DSCAM: variants seen among roughly 807,000 people sequenced by gnomAD.
DSCAM encodes DS cell adhesion molecule, also known as cell adhesion molecule DSCAM.
A neutral mutation model predicts 217.7 loss-of-function variants in DSCAM; 47 were observed. The ratio of observed to expected loss-of-function variants is 0.22; its 90% confidence interval spans 0.17 to 0.28. The LOEUF (loss-of-function observed/expected upper bound fraction) is 0.28, where lower values mean the gene tolerates loss of function less well. DSCAM is among the 10% of genes least tolerant of loss of function. The pLI, the probability that DSCAM is intolerant of heterozygous loss-of-function variation, is 1.00. For missense variants in DSCAM, 2,080 were observed against 2,618.3 expected (o/e 0.79, Z 4.49); for synonymous variants, 1,056 against 1,015.3 (o/e 1.04, Z -0.76).
chr21:40,387,040 G>A (rs1226251388), intron 3 of DSCAM, among the ~76,000 whole-genome samples: 1 of 151,700 alleles, frequency 6.6e-6, no homozygotes, highest in Non-Finnish European at 1.5e-5. Context: ...TTCCATTTCT[G>A]ACTATGTAAA....
intron 3 of DSCAM, among the ~76,000 whole-genome samples, chr21:40,541,599 G>A (rs2076543155): frequency 6.6e-6 from 1 of 152,036 alleles, no homozygotes; most frequent in African/African-American, 2.4e-5. Flanking sequence ...TCACATATAT[G>A]TGTATATTTG....
chr21:40,297,499 T>C (rs2073968037), intron 9 of DSCAM, among the ~76,000 whole-genome samples: 1 of 152,140 alleles, frequency 6.6e-6, no homozygotes, highest in Admixed American at 6.5e-5. Flanking sequence ...CCTTGCAAGA[T>C]ACAGAATTCT....
intron 26 of DSCAM, among the ~76,000 whole-genome samples, chr21:40,075,739 C>A (rs1343448860): frequency 2.6e-5 from 4 of 152,286 alleles, no homozygotes; most frequent in African/African-American, 9.6e-5. Context: ...AAATCTACTT[C>A]AACAGCTGTG....
At chr21:40,254,937 G>A (rs1480947973) in intron 11 of DSCAM, among the ~76,000 whole-genome samples, 1 of 151,934 alleles carries the variant, frequency 6.6e-6, no homozygotes, top group Non-Finnish European at 1.5e-5. Flanking sequence ...TTAACTGTGA[G>A]ATTATTCATC....
chr21:40,380,584 G>T (rs1489937062), intron 3 of DSCAM, among the ~76,000 whole-genome samples: 1 of 152,178 alleles, frequency 6.6e-6, no homozygotes, highest in Non-Finnish European at 1.5e-5. Flanking sequence ...GATGGTGGGG[G>T]TTTGGAGTGG....
rs145418205 is a variant in DSCAM, at chr21:40,427,668, G to C, written c.509-58423C>G. 7.2e-5 allele frequency among the ~76,000 whole-genome samples: 11 copies of C among 152,278 alleles called. No homozygotes were observed. In the South Asian group the frequency reaches 2.3e-3, roughly 32 times the overall value. On this transcript the variant is annotated intron_variant, in intron 3 of 32. Coordinates refer to ENST00000400454, the MANE Select transcript of DSCAM (RefSeq NM_001389.5). ...CACAGTAAACACAGGGAAAGAGTTAGGGAGAGGATAAGCTGCCCCATTGGC... is the reference window on the plus strand; with the variant it reads ...CACAGTAAACACAGGGAAAGAGTTACGGAGAGGATAAGCTGCCCCATTGGC...
chr21:40,596,857 T>G (rs1160247391), intron 3 of DSCAM, among the ~76,000 whole-genome samples: 8 of 150,268 alleles, frequency 5.3e-5, no homozygotes, highest in Non-Finnish European at 8.9e-5. Flanking sequence ...TTTCCTCATT[T>G]TACAAATATT....
At chr21:40,303,022 C>T (rs117064373) in intron 9 of DSCAM, among the ~76,000 whole-genome samples, 4,086 of 152,208 alleles carry the variant, frequency 0.027, 75 homozygotes, top group Non-Finnish European at 0.04. Flanking sequence ...TTAGGTTTCC[C>T]TAGCTGTAAA....
At chr21:40,365,461 C>T (rs925204078) in intron 4 of DSCAM, among the ~76,000 whole-genome samples, 11 of 152,118 alleles carry the variant, frequency 7.2e-5, no homozygotes, top group African/African-American at 2.7e-4. Context: ...GGGAATTAGA[C>T]TGACTTTCTT....
intron 3 of DSCAM, among the ~76,000 whole-genome samples, chr21:40,389,258 A>G (rs1193879306): frequency 6.6e-6 from 1 of 152,232 alleles, no homozygotes; most frequent in Non-Finnish European, 1.5e-5. Flanking sequence ...TCTAGCATTG[A>G]AACCATCTTT....
At chr21:40,048,410 T>C (rs2088876460) in intron 30 of DSCAM, among the ~76,000 whole-genome samples, 1 of 152,148 alleles carries the variant, frequency 6.6e-6, no homozygotes, top group African/African-American at 2.4e-5. Context: ...TTCCAGTGTA[T>C]TATAATCCAC....
intron 28 of DSCAM, among the ~76,000 whole-genome samples, chr21:40,060,776 C>A (rs2089105641): frequency 6.6e-6 from 1 of 152,194 alleles, no homozygotes; most frequent in African/African-American, 2.4e-5. Context: ...CTACCTTTGA[C>A]AATTTCTTTT....
chr21:40,035,849 G>A (rs890950660), intron 32 of DSCAM, among the ~76,000 whole-genome samples: 1 of 145,384 alleles, frequency 6.9e-6, no homozygotes, highest in Non-Finnish European at 1.5e-5. Context: ...CTAGAACTCA[G>A]GATTAAGAAT....
At chr21:40,041,582 C>T (rs2088750450) in intron 32 of DSCAM, among the ~76,000 whole-genome samples, 1 of 152,148 alleles carries the variant, frequency 6.6e-6, no homozygotes, top group Non-Finnish European at 1.5e-5. Flanking sequence ...CCCATGTCCG[C>T]CTCGCTCCTT....
chr21:40,235,215 T>C (rs1042827227), intron 11 of DSCAM, among the ~76,000 whole-genome samples: 2 of 152,200 alleles, frequency 1.3e-5, no homozygotes, highest in South Asian at 2.1e-4. Context: ...GGGGGCCAGA[T>C]GGTGACCATA....
chr21:40,629,072 GTGTGGTGTGTGTGTGTGTGTGT>G (rs1419018278), intron 3 of DSCAM, among the ~76,000 whole-genome samples: 7 of 133,550 alleles, frequency 5.2e-5, no homozygotes, highest in Non-Finnish European at 9.5e-5. Context: ...GTATGTGTGT[GTGTGGTGTGTGTGTGTGTGTGT>G]GTGTGTGTGT....
At chr21:40,117,640 A>T (rs922728633) in intron 20 of DSCAM, among the ~76,000 whole-genome samples, 1 of 152,248 alleles carries the variant, frequency 6.6e-6, no homozygotes, top group African/African-American at 2.4e-5. Flanking sequence ...CTTTAAAAAC[A>T]AAATGAAATA....
At chr21:40,350,733 G>A (rs891468547) in intron 5 of DSCAM, among the ~76,000 whole-genome samples, 6 of 152,068 alleles carry the variant, frequency 3.9e-5, no homozygotes, top group East Asian at 1.9e-4. Flanking sequence ...CAGAGATTGG[G>A]AACCACATGA....
In DSCAM at chr21:40,846,853, C is replaced by A; in HGVS notation, c.-192G>T. The stretch of plus-strand genomic sequence containing the variant: ...CGGGCTCCGGAGCGAGGGCTGCGCT[C>A]GCCGCGCGCTGCGCTCCTGCACACC... On this transcript the variant is annotated 5_prime_UTR_variant, in exon 1 of 33. Coordinates refer to ENST00000400454, the MANE Select transcript of DSCAM (RefSeq NM_001389.5). The A allele has an allele frequency of 6.6e-6, 1 of 150,758 alleles. No individual in the cohort carries two copies. Among genetic ancestry groups the A allele is most frequent in the South Asian group, 2.0e-4 (1 of 5,028 alleles). The allele number at this position is 150,758 out of a possible 1,614,324, so 9.3% of individuals were successfully genotyped here. A position where few individuals can be genotyped will look rare whatever the true frequency, so the allele number is the denominator to read the frequency against.
Sources: gnomAD v4.1 joint callset for allele counts (sites outside exome capture counted in the v4.1 genomes callset) on GRCh38, gnomAD v4.1.1 for gene constraint, MANE v1.5 for transcripts, NCBI Gene and HGNC (gene_info 2026-07-23, HGNC 2026-07-21) for gene names.